The following VAV3 variants were observed in gnomAD, a reference collection of about 807,000 sequenced individuals.
VAV3 encodes the protein guanine nucleotide exchange factor VAV3.
In VAV3, 94 loss-of-function variants were observed where a neutral mutation model predicts 131.2. The observed-to-expected ratio is 0.72, with a 90% CI of 0.61 to 0.85. The LOEUF is 0.85. Among genes scored for constraint, VAV3 ranks in the 40% least tolerant of loss-of-function variants. The probability of loss-of-function intolerance (pLI) is 0.00; values close to 1 mark genes in which losing one functional copy is unlikely to be tolerated. For synonymous variants in VAV3, 349 were observed against 342.0 expected (o/e 1.02, Z -0.22); for missense variants, 939 against 1,002.7 (o/e 0.94, Z 0.86).
Position 107,785,002 on chromosome 1 carries a change from T to C in VAV3, c.322-5510A>G, listed in dbSNP as rs116894763. Among the ~76,000 whole-genome samples, 28 of 152,358 alleles carry C rather than the reference T, an allele frequency of 1.8e-4. No individual in the cohort carries two copies. In the East Asian group the frequency reaches 5.4e-3, roughly 29 times the overall value. On this transcript the variant is annotated intron_variant, in intron 2 of 26. Coordinates refer to ENST00000370056, the MANE Select transcript of VAV3 (RefSeq NM_006113.5). ...CAACCAATGATGATTTTTATTTTGT[T>C]TTAGCTCTTTATTTTTTTCATCCCT...
chr1:107,846,111 C>G (rs905252169), intron 2 of VAV3, among the ~76,000 whole-genome samples: 2 of 152,196 alleles, frequency 1.3e-5, no homozygotes, highest in African/African-American at 4.8e-5. Flanking sequence ...TCTGCAGAAA[C>G]TCTAGAAACC....
intron 21 of VAV3, among the ~76,000 whole-genome samples, chr1:107,617,286 C>A (rs79574171): frequency 0.07 from 10,590 of 152,100 alleles, 643 homozygotes; most frequent in East Asian, 0.31. Context: ...CTGTACAATG[C>A]GTCTAATTTG....
chr1:107,691,522 A>G (rs1246603257), intron 17 of VAV3, among the ~76,000 whole-genome samples: 3 of 152,190 alleles, frequency 2.0e-5, no homozygotes, highest in Admixed American at 1.3e-4. Context: ...GCTGGTTGAG[A>G]TGGGATGAAA....
chr1:107,625,795 T>C (rs1258879586), intron 20 of VAV3, among the ~76,000 whole-genome samples: 1 of 152,226 alleles, frequency 6.6e-6, no homozygotes, highest in Non-Finnish European at 1.5e-5. Context: ...CTTAAGGGCA[T>C]GTGCACATGC....
intron 2 of VAV3, among the ~76,000 whole-genome samples, chr1:107,784,532 A>T (rs1400229708): frequency 6.6e-6 from 1 of 152,242 alleles, no homozygotes; most frequent in East Asian, 1.9e-4. Flanking sequence ...TATTCAATAT[A>T]TTTGCATAAA....
chr1:107,923,708 T>A (rs1292471700), intron 1 of VAV3, among the ~76,000 whole-genome samples: 1 of 152,150 alleles, frequency 6.6e-6, no homozygotes, highest in Non-Finnish European at 1.5e-5. Flanking sequence ...ACTCACTTAC[T>A]ATCATGAGAA....
Position 107,765,586 on chromosome 1 carries a change from A to G in VAV3, c.822-411T>C, listed in dbSNP as rs866503617. 1.2e-4 allele frequency among the ~76,000 whole-genome samples: 19 copies of G among 152,352 alleles called. No homozygotes were observed. The South Asian group carries it at 2.1e-3, about 17-fold the overall frequency. ...TACAATTTTATGCCAATCACTACAT[A>G]TAACTCCTTCATTATTAAACCTCTT... On this transcript the variant is annotated intron_variant, in intron 8 of 26. Coordinates refer to ENST00000370056, the MANE Select transcript of VAV3 (RefSeq NM_006113.5).
At chr1:107,721,421 G>A in intron 15 of VAV3, among the ~76,000 whole-genome samples, 1 of 152,138 alleles carries the variant, frequency 6.6e-6, no homozygotes, top group Non-Finnish European at 1.5e-5. Context: ...CAGCACTTGA[G>A]ATGGAAGGAA....
chr1:107,715,310 T>C (rs566486891), intron 15 of VAV3, among the ~76,000 whole-genome samples: 6 of 152,302 alleles, frequency 3.9e-5, no homozygotes, highest in Admixed American at 3.9e-4. Context: ...TAAAAAGTAT[T>C]ACATAAATGC....
chr1:107,722,714 T>C (rs4915069), intron 15 of VAV3, among the ~76,000 whole-genome samples: 15,879 of 152,122 alleles, frequency 0.1, 982 homozygotes, highest in East Asian at 0.25. Context: ...GGTTCTATGA[T>C]GAAGAGCAGC....
At position 107,964,920 on chromosome 1, in the gene VAV3, GC is replaced by G. The variant is rs1427334373; in HGVS notation, c.-52del. On this transcript the variant is annotated 5_prime_UTR_variant, in exon 1 of 27. Coordinates refer to ENST00000370056, the MANE Select transcript of VAV3 (RefSeq NM_006113.5). ...GGCCGGGGCGGGCGGCAAGGATGCG[GC>G]CGCCGCCGCCGCCGCCGCGGTTCCT... 2.8e-4 allele frequency: 23 copies of G among 81,612 alleles called. No individual in the cohort carries two copies. Among genetic ancestry groups the G allele is most frequent in the Non-Finnish European group, 3.9e-4 (21 of 53,668 alleles). 5.1% of individuals were successfully genotyped at this position (81,612 alleles called of 1,614,324 possible).
chr1:107,822,151 C>T (rs1169136524), intron 2 of VAV3, among the ~76,000 whole-genome samples: 3 of 152,128 alleles, frequency 2.0e-5, no homozygotes, highest in Non-Finnish European at 2.9e-5. Flanking sequence ...TGAGGCAAAA[C>T]TCCTGGTGGG....
chr1:107,706,540 G>C (rs1418157357), intron 15 of VAV3, among the ~76,000 whole-genome samples: 1 of 152,112 alleles, frequency 6.6e-6, no homozygotes, highest in African/African-American at 2.4e-5. Flanking sequence ...TTTCCATGGA[G>C]GCATTTTTGT....
chr1:107,914,140 AGAT>A (rs1379761517), intron 1 of VAV3, among the ~76,000 whole-genome samples: 3 of 152,210 alleles, frequency 2.0e-5, no homozygotes, highest in Non-Finnish European at 4.4e-5. Context: ...AAACATACAG[AGAT>A]GATAGGCAGA....
At chr1:107,590,852 C>T (rs898144871) in intron 25 of VAV3, among the ~76,000 whole-genome samples, 5 of 152,280 alleles carry the variant, frequency 3.3e-5, no homozygotes, top group South Asian at 2.1e-4. Flanking sequence ...CTCTCACGGA[C>T]ATCTGCAATA....
Position 107,884,405 on chromosome 1 carries a change from TTTATTATTATTATTATTATTATTA to T in VAV3, c.205-9412_205-9389del, listed in dbSNP as rs140793122. Reference sequence around the variant, plus strand: ...TACCCCCAAAATTAAAAATAAATTATTTATTATTATTATTATTATTATTATTATTATTATTATTATTATTATTTT... The same window carrying T: ...TACCCCCAAAATTAAAAATAAATTATTTATTATTATTATTATTATTATTTT... On this transcript the variant is annotated intron_variant, in intron 1 of 26. Transcript: ENST00000370056. Among the ~76,000 whole-genome samples the T allele has an allele frequency of 1.1e-4, 15 of 141,710 alleles. 1 individual carries two copies. The highest frequency in any genetic ancestry group is 3.7e-4 in the African/African-American group (14 of 37,940). The allele number at this position is 141,710 out of a possible 152,430, so 93.0% of individuals were successfully genotyped here.
chr1:107,646,624 T>C (rs1026592537), intron 19 of VAV3, among the ~76,000 whole-genome samples: 2 of 152,098 alleles, frequency 1.3e-5, no homozygotes, highest in South Asian at 4.1e-4. Context: ...AAAGCTTTGT[T>C]GTACAGCTAA....
At chr1:107,623,702 C>T (rs1653777449) in intron 20 of VAV3, among the ~76,000 whole-genome samples, 1 of 152,144 alleles carries the variant, frequency 6.6e-6, no homozygotes, top group Non-Finnish European at 1.5e-5. Context: ...ATGGCCACTA[C>T]CATTAATTCC....
At chr1:107,711,753 G>C (rs1660795805) in intron 15 of VAV3, among the ~76,000 whole-genome samples, 2 of 152,076 alleles carry the variant, frequency 1.3e-5, no homozygotes, top group African/African-American at 2.4e-5. Context: ...GCCCAGGCTG[G>C]AGTGCAGTGG....
Sources: allele counts gnomAD v4.1 joint callset (sites outside exome capture counted in the v4.1 genomes callset), GRCh38; gene constraint gnomAD v4.1.1; transcripts MANE v1.5; gene names NCBI Gene and HGNC (gene_info 2026-07-23, HGNC 2026-07-21).